Variants in CFAP44 observed in about 807,000 individuals in gnomAD.
CFAP44 encodes the protein cilia- and flagella-associated protein 44.
CFAP44 carries 134 observed loss-of-function variants against 216.2 expected under a neutral mutation model. The observed-to-expected ratio is 0.62, with a 90% CI of 0.54 to 0.72. The LOEUF (loss-of-function observed/expected upper bound fraction) is 0.72. CFAP44 is among the 30% of genes least tolerant of loss of function. CFAP44 has a pLI of 0.00. For missense variants in CFAP44, 2,035 were observed against 2,182.1 expected (o/e 0.93, Z 1.34); for synonymous variants, 700 against 727.6 (o/e 0.96, Z 0.61).
intron 17 of CFAP44, among the ~76,000 whole-genome samples, chr3:113,375,783 T>C (rs916962326): frequency 2.0e-5 from 3 of 151,998 alleles, no homozygotes; most frequent in Non-Finnish European, 4.4e-5. Context: ...ACGGCACCAT[T>C]GCACTCCAGC....
At chr3:113,363,862 T>A (rs920028419) in intron 19 of CFAP44, among the ~76,000 whole-genome samples, 4 of 152,180 alleles carry the variant, frequency 2.6e-5, no homozygotes, top group African/African-American at 9.6e-5. Context: ...TTCACAAAAG[T>A]CTAGATCATT....
At chr3:113,294,112 T>C (rs1348524874) in intron 34 of CFAP44, 1 of 454,612 alleles carries the variant, frequency 2.2e-6, no homozygotes, top group African/African-American at 2.0e-5. Context: ...GTTAAGTATA[T>C]AACATAGAGT....
chr3:113,299,551 C>T (rs541282246), intron 32 of CFAP44, among the ~76,000 whole-genome samples: 1 of 152,258 alleles, frequency 6.6e-6, no homozygotes, highest in Non-Finnish European at 1.5e-5. Flanking sequence ...ATCCAGCAAT[C>T]GCACTGCTAG....
chr3:113,423,685 C>A (rs1934882607), intron 4 of CFAP44, among the ~76,000 whole-genome samples: 1 of 152,078 alleles, frequency 6.6e-6, no homozygotes, highest in South Asian at 2.1e-4. Flanking sequence ...TAAAATTATA[C>A]CATGGTTTAA....
At chr3:113,328,151 T>C (rs958533707) in intron 26 of CFAP44, among the ~76,000 whole-genome samples, 9 of 151,932 alleles carry the variant, frequency 5.9e-5, no homozygotes, top group Admixed American at 3.9e-4. Flanking sequence ...CTCCTCTTTA[T>C]TCTCCATAGT....
At chr3:113,423,809 G>A (rs551599627) in intron 4 of CFAP44, among the ~76,000 whole-genome samples, 4 of 152,324 alleles carry the variant, frequency 2.6e-5, no homozygotes, top group Admixed American at 1.3e-4. Flanking sequence ...AGCCTTCTGA[G>A]CCAGAGTAGG....
intron 7 of CFAP44, among the ~76,000 whole-genome samples, chr3:113,407,295 C>T (rs958986937): frequency 9.2e-5 from 14 of 152,120 alleles, no homozygotes; most frequent in African/African-American, 3.4e-4. Context: ...GGCTGTGCTA[C>T]CTAATGCAGT....
intron 20 of CFAP44, 56 bp from the exon 21 acceptor site, chr3:113,363,363 G>C (rs1470490404): frequency 1.3e-6 from 2 of 1,571,852 alleles, no homozygotes; most frequent in Non-Finnish European, 1.7e-6. Flanking sequence ...AGCAGAGAAA[G>C]AGAAAATTAG....
At chr3:113,428,171 T>G (rs1935013455) in intron 2 of CFAP44, among the ~76,000 whole-genome samples, 1 of 152,214 alleles carries the variant, frequency 6.6e-6, no homozygotes, top group African/African-American at 2.4e-5. Flanking sequence ...AGAACTACTC[T>G]CTAATAATAC....
At chr3:113,292,640 G>A (rs1166701321) in intron 34 of CFAP44, among the ~76,000 whole-genome samples, 1 of 152,216 alleles carries the variant, frequency 6.6e-6, no homozygotes, top group Admixed American at 6.5e-5. Flanking sequence ...TTGAGACTCA[G>A]GGAGTCATTA....
chr3:113,420,180 CT>C lies in CFAP44; in HGVS notation c.408-2del, dbSNP rs759131433. The C allele has an allele frequency of 3.1e-6, 5 of 1,605,850 alleles. No individual in the cohort carries two copies. The highest frequency in any genetic ancestry group is 4.3e-6 in the Non-Finnish European group (5 of 1,175,932). On this transcript the variant is annotated splice_acceptor_variant, in intron 4 of 34. Transcript: ENST00000393845. LOFTEE classifies it high-confidence loss of function. Reference sequence around the variant, plus strand: ...TCTACAGTCATAACCAAAAGAATGTCTGAGGGAAAGTTGCTAAGGAAAAGAA... The same window carrying C: ...TCTACAGTCATAACCAAAAGAATGTCGAGGGAAAGTTGCTAAGGAAAAGAA...
intron 22 of CFAP44, among the ~76,000 whole-genome samples, chr3:113,348,125 G>A (rs1347806868): frequency 6.6e-6 from 1 of 151,938 alleles, no homozygotes; most frequent in African/African-American, 2.4e-5. Flanking sequence ...GGGCAAGAGG[G>A]GTTTCTGCTG....
At chr3:113,308,771 T>G (rs1196387621) in intron 28 of CFAP44, among the ~76,000 whole-genome samples, 2 of 151,794 alleles carry the variant, frequency 1.3e-5, no homozygotes, top group Non-Finnish European at 2.9e-5. Flanking sequence ...TTGGTTTTTG[T>G]TTGTTTGTTT....
chr3:113,432,665 G>C (rs1935135680), intron 2 of CFAP44, among the ~76,000 whole-genome samples: 1 of 152,056 alleles, frequency 6.6e-6, no homozygotes, highest in Non-Finnish European at 1.5e-5. Context: ...TATAATCAAA[G>C]CACAAAAAAA....
chr3:113,321,636 G>T (rs1950147115), intron 28 of CFAP44, among the ~76,000 whole-genome samples: 1 of 152,136 alleles, frequency 6.6e-6, no homozygotes, highest in African/African-American at 2.4e-5. Context: ...TTGCCAAGAG[G>T]CTACTACAAC....
chr3:113,440,224 C>G (rs184894381), intron 1 of CFAP44, among the ~76,000 whole-genome samples: 43 of 152,084 alleles, frequency 2.8e-4, no homozygotes, highest in African/African-American at 9.4e-4. Context: ...CCACCTCGCC[C>G]GGCTAATTTT....
intron 2 of CFAP44, among the ~76,000 whole-genome samples, chr3:113,432,426 A>G (rs991824026): frequency 6.6e-6 from 1 of 152,228 alleles, no homozygotes; most frequent in Non-Finnish European, 1.5e-5. Context: ...AAGTAATGCT[A>G]AAAGACTTGT....
At chr3:113,303,826 T>G (rs1052673348) in intron 32 of CFAP44, 90 bp downstream of exon 32, 6 of 1,364,706 alleles carry the variant, frequency 4.4e-6, no homozygotes, top group Non-Finnish European at 5.9e-6. Context: ...AGTCTGCAAT[T>G]ACTATTTTCA....
intron 1 of CFAP44, among the ~76,000 whole-genome samples, chr3:113,440,742 C>T (rs1437860841): frequency 2.6e-5 from 4 of 152,272 alleles, no homozygotes; most frequent in Middle Eastern, 3.4e-3. Context: ...AATAAGAGCT[C>T]AGATTCCTCG....
Sources: gnomAD v4.1 joint callset for allele counts (sites outside exome capture counted in the v4.1 genomes callset) on GRCh38, gnomAD v4.1.1 for gene constraint, MANE v1.5 for transcripts, NCBI Gene and HGNC (gene_info 2026-07-23, HGNC 2026-07-21) for gene names.